Variants in DNAJC1 observed in about 807,000 individuals in gnomAD.
DNAJC1 encodes the protein dnaJ homolog subfamily C member 1.
In DNAJC1, 58 loss-of-function variants were observed where a neutral mutation model predicts 76.6. That is an observed-to-expected ratio of 0.76 (90% CI 0.61 to 0.94). The LOEUF (loss-of-function observed/expected upper bound fraction) is 0.94. DNAJC1 is among the 40% of genes least tolerant of loss of function. DNAJC1 has a pLI of 0.00. For missense variants in DNAJC1, 689 were observed against 677.3 expected (o/e 1.02, Z -0.19); for synonymous variants, 258 against 267.9 (o/e 0.96, Z 0.36).
At chr10:21,870,577 G>T (rs991005415) in intron 8 of DNAJC1, among the ~76,000 whole-genome samples, 1 of 151,940 alleles carries the variant, frequency 6.6e-6, no homozygotes, top group Non-Finnish European at 1.5e-5. Context: ...AGTTGGAGAC[G>T]AGCCTAGGTA....
At chr10:21,928,939 A>T in intron 2 of DNAJC1, 101 bp downstream of exon 2, 1 of 756,036 alleles carries the variant, frequency 1.3e-6, no homozygotes, top group South Asian at 2.6e-5. Flanking sequence ...CTACTACCTC[A>T]TTTTCAAATG....
At chr10:21,945,729 G>T (rs181191900) in intron 1 of DNAJC1, among the ~76,000 whole-genome samples, 1 of 152,286 alleles carries the variant, frequency 6.6e-6, no homozygotes, top group African/African-American at 2.4e-5. Flanking sequence ...GAGGGTACAA[G>T]TTGATAGTAA....
At chr10:21,968,784 A>G (rs1837930267) in intron 1 of DNAJC1, among the ~76,000 whole-genome samples, 1 of 152,166 alleles carries the variant, frequency 6.6e-6, no homozygotes, top group South Asian at 2.1e-4. Flanking sequence ...TGCTGGGATT[A>G]CAGGGGTGAG....
rs944128615 is a variant in DNAJC1, at chr10:21,878,354, G to A, written c.978+3928C>T. Among the ~76,000 whole-genome samples the A allele has an allele frequency of 3.3e-5, 5 of 152,178 alleles. No homozygotes were observed. In the East Asian group the frequency reaches 7.7e-4, roughly 23 times the overall value. On this transcript the variant is annotated intron_variant, in intron 8 of 11. Coordinates refer to ENST00000376980, the MANE Select transcript of DNAJC1 (RefSeq NM_022365.4). ...CACATGAGCCTACTGCAACAGCAAC[G>A]AGAGGTGTTTTAAATTATTATAGTA...
At chr10:21,961,461 T>G (rs1002464017) in intron 1 of DNAJC1, among the ~76,000 whole-genome samples, 6 of 152,046 alleles carry the variant, frequency 3.9e-5, no homozygotes, top group African/African-American at 1.5e-4. Flanking sequence ...CTAAGTGAAA[T>G]AAGCCAGATA....
At chr10:21,906,140 T>C (rs938594039) in intron 6 of DNAJC1, among the ~76,000 whole-genome samples, 2 of 152,100 alleles carry the variant, frequency 1.3e-5, no homozygotes, top group East Asian at 1.9e-4. Flanking sequence ...GTATTGTTAA[T>C]ATAGTAAAAG....
chr10:21,778,669 C>T (rs1480800750), intron 9 of DNAJC1, among the ~76,000 whole-genome samples: 2 of 152,144 alleles, frequency 1.3e-5, no homozygotes, highest in Non-Finnish European at 2.9e-5. Flanking sequence ...CCAGTGTGAG[C>T]GACGGAGAAG....
At chr10:21,988,676 C>T (rs886449584) in intron 1 of DNAJC1, among the ~76,000 whole-genome samples, 1 of 152,020 alleles carries the variant, frequency 6.6e-6, no homozygotes, top group African/African-American at 2.4e-5. Flanking sequence ...CCTCATTGTC[C>T]TATGTTTTCT....
intron 8 of DNAJC1, among the ~76,000 whole-genome samples, chr10:21,840,244 C>T (rs550817153): frequency 0.022 from 3,387 of 152,254 alleles, 115 homozygotes; most frequent in African/African-American, 0.076. Flanking sequence ...GCTGGAAGCT[C>T]TGGCCAGGGC....
At chr10:21,899,558 C>G (rs1836610347) in intron 7 of DNAJC1, among the ~76,000 whole-genome samples, 2 of 152,194 alleles carry the variant, frequency 1.3e-5, no homozygotes, top group South Asian at 4.1e-4. Flanking sequence ...CCCAACAATG[C>G]AGCACAGCTG....
intron 6 of DNAJC1, among the ~76,000 whole-genome samples, chr10:21,907,483 C>T (rs1337775577): frequency 2.0e-5 from 3 of 152,064 alleles, no homozygotes; most frequent in Non-Finnish European, 4.4e-5. Flanking sequence ...CTTTAAGATG[C>T]ACTGACAAAT....
At chr10:21,968,574 G>A (rs1024444959) in intron 1 of DNAJC1, among the ~76,000 whole-genome samples, 4 of 150,938 alleles carry the variant, frequency 2.7e-5, no homozygotes, top group African/African-American at 4.9e-5. Flanking sequence ...GTGGCACGAC[G>A]ATCTCGGCTC....
At chr10:21,787,831 G>C (rs530376940) in intron 9 of DNAJC1, among the ~76,000 whole-genome samples, 1 of 152,330 alleles carries the variant, frequency 6.6e-6, no homozygotes, top group African/African-American at 2.4e-5. Flanking sequence ...TGAGGGAGCT[G>C]CCAAGAAGCT....
Position 21,773,065 on chromosome 10 carries a change from C to G in DNAJC1, c.1099-6756G>C, listed in dbSNP as rs192049501. Among the ~76,000 whole-genome samples, 394 of 152,276 alleles carry G rather than the reference C, an allele frequency of 2.6e-3. 2 individuals carry two copies. Among genetic ancestry groups the G allele is most frequent in the African/African-American group, 9.2e-3 (381 of 41,554 alleles). On this transcript the variant is annotated intron_variant, in intron 9 of 11. Coordinates refer to ENST00000376980, the MANE Select transcript of DNAJC1 (RefSeq NM_022365.4). ...CCAACCCCATGATCCAATCACCTCC[C>G]ACAAGGACCCACCTCCGACACTGGG...
At chr10:21,845,123 C>A (rs926176769) in intron 8 of DNAJC1, among the ~76,000 whole-genome samples, 3 of 152,138 alleles carry the variant, frequency 2.0e-5, no homozygotes, top group African/African-American at 7.2e-5. Context: ...GTAGCTATAA[C>A]CGTAAAAGCC....
intron 8 of DNAJC1, among the ~76,000 whole-genome samples, chr10:21,845,232 C>A (rs567642648): frequency 1.2e-4 from 19 of 152,024 alleles, no homozygotes; most frequent in African/African-American, 4.3e-4. Context: ...TCTCGTGTGC[C>A]ATTGCATAGA....
intron 1 of DNAJC1, among the ~76,000 whole-genome samples, chr10:21,992,825 T>C (rs1838347824): frequency 6.6e-6 from 1 of 152,236 alleles, no homozygotes. Context: ...GTCATCTGTA[T>C]CCTCTTCATA....
Position 21,943,140 on chromosome 10 carries a change from A to C in DNAJC1, c.223-13999T>G, listed in dbSNP as rs919315916. Among the ~76,000 whole-genome samples, 14 of 152,196 alleles carry C rather than the reference A, an allele frequency of 9.2e-5. No homozygotes were observed. In the South Asian group the frequency reaches 1.9e-3, roughly 20 times the overall value. The stretch of plus-strand genomic sequence containing the variant: ...ATCTATGAGAAATGAAATTCTACAC[A>C]GAGGAAAATGCATGCAGCTAACAAG... On this transcript the variant is annotated intron_variant, in intron 1 of 11. Coordinates refer to ENST00000376980, the MANE Select transcript of DNAJC1 (RefSeq NM_022365.4).
chr10:21,907,431 A>G (rs1428277485), intron 6 of DNAJC1, among the ~76,000 whole-genome samples: 1 of 151,990 alleles, frequency 6.6e-6, no homozygotes, highest in Non-Finnish European at 1.5e-5. Context: ...AAACAACTCT[A>G]CATTGTTTCA....
Sources: gnomAD v4.1 joint callset for allele counts (sites outside exome capture counted in the v4.1 genomes callset) on GRCh38, gnomAD v4.1.1 for gene constraint, MANE v1.5 for transcripts, NCBI Gene and HGNC (gene_info 2026-07-23, HGNC 2026-07-21) for gene names.